Variants in MEF2D observed in about 807,000 individuals in gnomAD.
The protein encoded by MEF2D is myocyte-specific enhancer factor 2D.
MEF2D carries 10 observed loss-of-function variants against 59.3 expected under a neutral mutation model. The ratio of observed to expected loss-of-function variants is 0.17; its 90% CI spans 0.10 to 0.29. The LOEUF (loss-of-function observed/expected upper bound fraction) is 0.29. Among genes scored for constraint, MEF2D ranks in the 10% least tolerant of loss-of-function variants. The pLI, the probability that MEF2D is intolerant of heterozygous loss-of-function variation, is 1.00. For synonymous variants in MEF2D, 305 were observed against 295.0 expected (o/e 1.03, Z -0.35); for missense variants, 508 against 699.4 (o/e 0.73, Z 3.09).
chr1:156,496,639 C>G (rs1673146005), intron 1 of MEF2D, among the ~76,000 whole-genome samples: 1 of 152,202 alleles, frequency 6.6e-6, no homozygotes, highest in African/African-American at 2.4e-5. Context: ...CCCCTCAACC[C>G]CATCCCAACT....
chr1:156,493,906 G>A (rs1410338132), intron 1 of MEF2D, among the ~76,000 whole-genome samples: 1 of 152,092 alleles, frequency 6.6e-6, no homozygotes, highest in East Asian at 1.9e-4. Context: ...AGGCTGACAG[G>A]TGGGGGAGAT....
chr1:156,484,626 C>G (rs1481315942), intron 1 of MEF2D, among the ~76,000 whole-genome samples: 1 of 152,194 alleles, frequency 6.6e-6, no homozygotes, highest in Non-Finnish European at 1.5e-5. Flanking sequence ...CACTGGCAGC[C>G]AGGCGGATGC....
At position 156,468,875 on chromosome 1, in the gene MEF2D, C is replaced by T. The variant is rs772742374; in HGVS notation, c.1152G>A (p.Pro384=). 5.6e-6 allele frequency: 9 copies of T among 1,612,754 alleles called. No homozygotes were observed. Among genetic ancestry groups the T allele is most frequent in the South Asian group, 2.2e-5 (2 of 90,950 alleles). The change falls in exon 10 of 12, where the codon CCG becomes CCA. Residue 384 remains proline, a synonymous_variant. Transcript: ENST00000348159. The surrounding 1 kb of genome is among the most constrained non-coding windows in gnomAD (Gnocchi z 4.3). The part of the protein sequence containing the change: ...QQPQPPQQQP[P]QPQQPQPQQP... ...GCTGTGGCTGTGGCTGCTGTGGCTGCGGTGGCTGCTGCTGTGGAGGCTGTG... is the reference window on the plus strand; with the variant it reads ...GCTGTGGCTGTGGCTGCTGTGGCTGTGGTGGCTGCTGCTGTGGAGGCTGTG...
At chr1:156,480,620 C>A (rs1416799103) in intron 4 of MEF2D, 5 of 1,537,926 alleles carry the variant, frequency 3.3e-6, no homozygotes, top group African/African-American at 1.4e-5. Flanking sequence ...CACAGGGAGG[C>A]TCTGCTCCAT....
chr1:156,472,190 C>T lies in MEF2D; in HGVS notation c.1006+2918G>A, dbSNP rs578184855. Among the ~76,000 whole-genome samples, 3 of 152,356 alleles carry T rather than the reference C, an allele frequency of 2.0e-5. No individual in the cohort carries two copies. In the East Asian group the frequency reaches 5.8e-4, roughly 29 times the overall value. ...TGCCCTCCGCCAACTGTCCCTGTCC[C>T]CAGGCCACCCCACCCTCAGGGCTGG... is the stretch of plus-strand genomic sequence containing the variant. On this transcript the variant is annotated intron_variant, in intron 9 of 11. Transcript: ENST00000348159.
Position 156,467,007 on chromosome 1 carries a change from C to T in MEF2D, c.*638G>A, listed in dbSNP as rs1670888533. ...GCACCCACACACCTTGGGGGTGCAGCACACACAAGAATCAGCGCAGGTGTG... is the reference window on the plus strand; with the variant it reads ...GCACCCACACACCTTGGGGGTGCAGTACACACAAGAATCAGCGCAGGTGTG... On this transcript the variant is annotated 3_prime_UTR_variant, in exon 12 of 12. Coordinates refer to ENST00000348159, the MANE Select transcript of MEF2D (RefSeq NM_005920.4). The T allele has an allele frequency of 6.6e-6, 1 of 152,636 alleles. No homozygotes were observed. The highest frequency in any genetic ancestry group is 1.5e-5 in the Non-Finnish European group (1 of 68,110). 9.5% of individuals were successfully genotyped at this position (152,636 alleles called of 1,614,324 possible).
chr1:156,482,193 G>A (rs1672066650), intron 3 of MEF2D, among the ~76,000 whole-genome samples: 4 of 152,246 alleles, frequency 2.6e-5, no homozygotes, highest in Admixed American at 2.0e-4. Flanking sequence ...GAGAGGGCAG[G>A]GTGGGTGTGG....
chr1:156,496,279 A>T (rs1383412353), intron 1 of MEF2D, among the ~76,000 whole-genome samples: 1 of 152,112 alleles, frequency 6.6e-6, no homozygotes, highest in Non-Finnish European at 1.5e-5. Context: ...GTGAGCGGGG[A>T]GGGCAACAGA....
At chr1:156,475,864 T>C (rs1034808759) in intron 8 of MEF2D, among the ~76,000 whole-genome samples, 1 of 151,488 alleles carries the variant, frequency 6.6e-6, no homozygotes, top group African/African-American at 2.4e-5. Flanking sequence ...TGGGGGTGAG[T>C]ATGTAAGTGT....
At chr1:156,490,872 G>C (rs1358681853) in intron 1 of MEF2D, among the ~76,000 whole-genome samples, 2 of 152,188 alleles carry the variant, frequency 1.3e-5, no homozygotes, top group African/African-American at 2.4e-5. Flanking sequence ...CCTCACCCCA[G>C]CTTGTTCTTC....
At chr1:156,493,515 A>G (rs143965231) in intron 1 of MEF2D, among the ~76,000 whole-genome samples, 1 of 151,366 alleles carries the variant, frequency 6.6e-6, no homozygotes, top group Non-Finnish European at 1.5e-5. Context: ...TGCTGCTTTC[A>G]GGAAAGGTGC....
chr1:156,499,408 A>C (rs1449206069), intron 1 of MEF2D: 1 of 151,932 alleles, frequency 6.6e-6, no homozygotes, highest in Non-Finnish European at 1.5e-5. Context: ...AGGCAGAGGG[A>C]GGCTCCCATT....
intron 7 of MEF2D, 179 bp downstream of exon 7, chr1:156,476,833 C>T (rs1324746311): frequency 4.1e-6 from 3 of 734,692 alleles, no homozygotes; most frequent in African/African-American, 1.8e-5. Flanking sequence ...TCTTGTGCTG[C>T]AACCTCTTAA....
Position 156,477,120 on chromosome 1 carries a change from G to A in MEF2D, c.747C>T (p.Ala249=), listed in dbSNP as rs1671668064. 1.2e-6 allele frequency: 2 copies of A among 1,613,940 alleles called. No individual in the cohort carries two copies. Among genetic ancestry groups the A allele is most frequent in the Admixed American group, 1.7e-5 (1 of 60,000 alleles). ...NGNSLNKVIP[A]KSPPPPTHST... ...TGTGGGTAGGTGGGGGTGGAGACTT[G>A]GCAGGGATGACCTTGTTTAGGCTGT... is the stretch of plus-strand genomic sequence containing the variant. Residue 249 remains alanine (A), a synonymous_variant, in exon 7 of 12, where the codon GCC becomes GCT. Transcript: ENST00000348159.
At chr1:156,467,956 C>T in intron 11 of MEF2D, 37 bp downstream of exon 11, 1 of 1,585,404 alleles carries the variant, frequency 6.3e-7, no homozygotes, top group Non-Finnish European at 8.6e-7. Context: ...CTGGGTGTAG[C>T]AGACACTGGC....
At chr1:156,483,846 A>T (rs1390571705) in intron 1 of MEF2D, among the ~76,000 whole-genome samples, 2 of 152,338 alleles carry the variant, frequency 1.3e-5, no homozygotes, top group African/African-American at 4.8e-5. Flanking sequence ...CTGAGAGGAC[A>T]TCTGCCCAGT....
At chr1:156,490,645 C>T (rs1465841757) in intron 1 of MEF2D, 1 of 152,450 alleles carries the variant, frequency 6.6e-6, no homozygotes, top group Non-Finnish European at 1.5e-5. Flanking sequence ...GCAGTCTCAG[C>T]TTAAGGGACA....
At chr1:156,492,387 C>T (rs1374802243) in intron 1 of MEF2D, among the ~76,000 whole-genome samples, 1 of 152,218 alleles carries the variant, frequency 6.6e-6, no homozygotes, top group Non-Finnish European at 1.5e-5. Context: ...AGCCCTCCAA[C>T]CAAGCATGCG....
At chr1:156,499,920 T>TA (rs1373383749) in intron 1 of MEF2D, among the ~76,000 whole-genome samples, 4 of 151,088 alleles carry the variant, frequency 2.6e-5, no homozygotes, top group Admixed American at 2.6e-4. Flanking sequence ...CCCAACCCAC[T>TA]ACCCCGGTGT....
Sources: allele counts gnomAD v4.1 joint callset (sites outside exome capture counted in the v4.1 genomes callset), GRCh38; gene constraint gnomAD v4.1.1; non-coding constraint Gnocchi (gnomAD v3.1); transcripts MANE v1.5; gene names NCBI Gene and HGNC (gene_info 2026-07-23, HGNC 2026-07-21).